Variants in AGMO observed in about 807,000 individuals in gnomAD.
AGMO encodes glyceryl-ether monooxygenase.
A neutral mutation model predicts 60.2 loss-of-function variants in AGMO; 75 were observed. The ratio of observed to expected loss-of-function variants is 1.25; its 90% CI spans 1.03 to 1.51. The LOEUF (loss-of-function observed/expected upper bound fraction) is 1.51. Among genes scored for constraint, AGMO ranks in the 40% most tolerant of loss-of-function variants. The pLI is 0.00. For synonymous variants in AGMO, 261 were observed against 177.1 expected, an observed-to-expected ratio of 1.47 and a Z score of -3.76; for missense variants, 763 against 525.5, an observed-to-expected ratio of 1.45 and a Z score of -4.42.
intron 12 of AGMO, among the ~76,000 whole-genome samples, chr7:15,360,670 G>T (rs1044709882): frequency 6.6e-6 from 1 of 151,912 alleles, no homozygotes; most frequent in Admixed American, 6.6e-5. Context: ...GGTGTAAGGG[G>T]AGGCCGGAGA....
At chr7:15,359,152 G>A (rs1782653011) in intron 12 of AGMO, among the ~76,000 whole-genome samples, 1 of 151,960 alleles carries the variant, frequency 6.6e-6, no homozygotes, top group Non-Finnish European at 1.5e-5. Context: ...AGCTGGGCAT[G>A]GTGGCAGGAA....
the AGMO span, among the ~76,000 whole-genome samples, chr7:15,161,549 CATAT>C: frequency 6.6e-6 from 1 of 150,930 alleles, no homozygotes; most frequent in Admixed American, 6.6e-5. Context: ...TGCATTAATA[CATAT>C]ATACACATGT....
intron 10 of AGMO, among the ~76,000 whole-genome samples, chr7:15,375,156 A>G (rs1783396401): frequency 6.6e-6 from 1 of 151,982 alleles, no homozygotes; most frequent in African/African-American, 2.4e-5. Context: ...TTGTTAACAT[A>G]TTATCTTTTT....
intron 3 of AGMO, among the ~76,000 whole-genome samples, chr7:15,472,782 C>A (rs10950561): frequency 0.86 from 131,339 of 151,862 alleles, 57,190 homozygotes; most frequent in East Asian, 0.97. Context: ...ATACATTATC[C>A]AACCAAAATA....
the AGMO span, among the ~76,000 whole-genome samples, chr7:15,120,767 T>C: frequency 6.6e-6 from 1 of 152,090 alleles, no homozygotes; most frequent in African/African-American, 2.4e-5. Flanking sequence ...TTCTTTCTTT[T>C]TTTTCTTTTT....
intron 3 of AGMO, among the ~76,000 whole-genome samples, chr7:15,482,405 G>C (rs111645865): frequency 1.4e-4 from 21 of 152,140 alleles, no homozygotes; most frequent in African/African-American, 4.8e-4. Context: ...GAAAACTTTA[G>C]TAAATTGGAC....
chr7:15,380,759 T>C (rs972283969), intron 10 of AGMO, among the ~76,000 whole-genome samples: 1 of 152,182 alleles, frequency 6.6e-6, no homozygotes, highest in Middle Eastern at 3.4e-3. Context: ...GCTGGGGACA[T>C]AACATTATCC....
At chr7:15,225,591 C>G (rs917175290) in intron 12 of AGMO, among the ~76,000 whole-genome samples, 3 of 151,786 alleles carry the variant, frequency 2.0e-5, no homozygotes, top group Non-Finnish European at 2.9e-5. Context: ...TTAAAACTTA[C>G]ATTAATATGA....
the AGMO span, among the ~76,000 whole-genome samples, chr7:15,180,660 T>C: frequency 6.6e-6 from 1 of 152,026 alleles, no homozygotes; most frequent in Non-Finnish European, 1.5e-5. Flanking sequence ...CCTTGTCTAG[T>C]CTGTTCTTCC....
chr7:15,315,759 G>C (rs776979165), intron 12 of AGMO, among the ~76,000 whole-genome samples: 2 of 152,066 alleles, frequency 1.3e-5, no homozygotes, highest in Non-Finnish European at 2.9e-5. Context: ...CTGTTATTGA[G>C]ATAAGAGGAA....
chr7:15,187,953 A>T, the AGMO span, among the ~76,000 whole-genome samples: 1 of 151,922 alleles, frequency 6.6e-6, no homozygotes. Context: ...ATCTAGCTTT[A>T]AATCTTAACA....
chr7:15,121,053 G>A, the AGMO span, among the ~76,000 whole-genome samples: 4,252 of 152,102 alleles, frequency 0.028, 210 homozygotes, highest in African/African-American at 0.097. Flanking sequence ...GTTCCCACAT[G>A]TAAGTGAGAA....
intron 12 of AGMO, among the ~76,000 whole-genome samples, chr7:15,347,872 T>C (rs1782090351): frequency 6.6e-6 from 1 of 152,024 alleles, no homozygotes; most frequent in Non-Finnish European, 1.5e-5. Flanking sequence ...CTTTATTAAA[T>C]ACAGTATCAT....
At chr7:15,422,733 T>C (rs1780958946) in intron 4 of AGMO, among the ~76,000 whole-genome samples, 1 of 152,006 alleles carries the variant, frequency 6.6e-6, no homozygotes, top group South Asian at 2.1e-4. Flanking sequence ...GTCAGGTGTA[T>C]CTGAATCCAT....
chr7:15,246,011 A>G (rs1782730197), intron 12 of AGMO, among the ~76,000 whole-genome samples: 1 of 152,170 alleles, frequency 6.6e-6, no homozygotes, highest in Admixed American at 6.5e-5. Context: ...CTTACCATGG[A>G]AAATAAAAGC....
intron 2 of AGMO, among the ~76,000 whole-genome samples, chr7:15,553,387 T>C (rs905460291): frequency 2.6e-5 from 4 of 151,506 alleles, no homozygotes; most frequent in African/African-American, 9.7e-5. Context: ...AAACAAAGTG[T>C]AGTAGAAAGT....
In AGMO at chr7:15,431,377, T is replaced by C. The variant is rs28582185; in HGVS notation, c.410-269A>G. Among the ~76,000 whole-genome samples, 642 of 152,012 alleles carry C rather than the reference T, an allele frequency of 4.2e-3. 5 individuals are homozygous for C. Among genetic ancestry groups the C allele is most frequent in the African/African-American group, 0.015 (608 of 41,538 alleles). On this transcript the variant is annotated intron_variant, in intron 3 of 12. Transcript: ENST00000342526. ...ATTAAATGCCTCCAACAAACTGACATTAATTCCAAAAGTTATACTTTGCTA... is the reference window on the plus strand; with the variant it reads ...ATTAAATGCCTCCAACAAACTGACACTAATTCCAAAAGTTATACTTTGCTA...
chr7:15,290,759 A>C (rs1784240804), intron 12 of AGMO, among the ~76,000 whole-genome samples: 1 of 152,174 alleles, frequency 6.6e-6, no homozygotes, highest in East Asian at 1.9e-4. Flanking sequence ...AATTGTACCT[A>C]TGTCAATATT....
intron 12 of AGMO, among the ~76,000 whole-genome samples, chr7:15,310,161 T>G (rs1780728768): frequency 6.6e-6 from 1 of 152,154 alleles, no homozygotes; most frequent in Non-Finnish European, 1.5e-5. Context: ...TTTAAATAGA[T>G]CAAGTTTGGT....
Sources: gnomAD v4.1 joint callset for allele counts (sites outside exome capture counted in the v4.1 genomes callset) on GRCh38, gnomAD v4.1.1 for gene constraint, MANE v1.5 for transcripts, NCBI Gene and HGNC (gene_info 2026-07-23, HGNC 2026-07-21) for gene names.